RABGAP1L: variants seen among roughly 807,000 people sequenced by gnomAD.
RABGAP1L encodes the protein RAB GTPase activating protein 1 like.
RABGAP1L carries 63 observed loss-of-function variants against 137.7 expected under a neutral mutation model. That is an observed-to-expected ratio of 0.46 (90% CI 0.37 to 0.56). RABGAP1L has a LOEUF of 0.56. Among genes scored for constraint, RABGAP1L ranks in the 20% least tolerant of loss-of-function variants. The pLI is 0.00. For synonymous variants in RABGAP1L, 431 were observed against 433.7 expected, an observed-to-expected ratio of 0.99 and a Z score of 0.08; for missense variants, 1,095 against 1,244.0, an observed-to-expected ratio of 0.88 and a Z score of 1.80.
chr1:174,551,733 A>G (rs1257598168), intron 13 of RABGAP1L, among the ~76,000 whole-genome samples: 4 of 150,102 alleles, frequency 2.7e-5, no homozygotes, highest in Admixed American at 6.6e-5. Flanking sequence ...ACAGAGAAAA[A>G]CCATGAAACA....
chr1:174,332,880 A>G (rs1222141667), intron 11 of RABGAP1L, among the ~76,000 whole-genome samples: 2 of 152,188 alleles, frequency 1.3e-5, no homozygotes, highest in African/African-American at 4.8e-5. Context: ...CTGGACTTCC[A>G]TGTTTATTTA....
At chr1:174,989,392 G>A (rs965496837) in intron 25 of RABGAP1L, among the ~76,000 whole-genome samples, 2 of 152,096 alleles carry the variant, frequency 1.3e-5, no homozygotes, top group Non-Finnish European at 2.9e-5. Flanking sequence ...TGGCTGCCAT[G>A]TCACCAGCCT....
intron 18 of RABGAP1L, among the ~76,000 whole-genome samples, chr1:174,802,688 T>G (rs183260049): frequency 1.1e-4 from 16 of 152,356 alleles, no homozygotes; most frequent in African/African-American, 3.1e-4. Context: ...CAGTTGCACT[T>G]GAAAAATTAT....
chr1:174,647,982 G>GT (rs1291460862), intron 14 of RABGAP1L, among the ~76,000 whole-genome samples: 7 of 152,050 alleles, frequency 4.6e-5, no homozygotes, highest in African/African-American at 1.7e-4. Flanking sequence ...AGATTTTCTA[G>GT]TTTATTTGTG....
In RABGAP1L at chr1:174,863,235, A is replaced by AAAAAAAAAG. The variant is rs1553267182; in HGVS notation, c.2340+51283_2340+51284insGAAAAAAAA. On this transcript the variant is annotated intron_variant, in intron 19 of 25. Coordinates refer to ENST00000681986, the MANE Select transcript of RABGAP1L (RefSeq NM_001366446.1). ...ATTTGTACATGAGTTGTTTGTAGCAAAAAAAAAAAAAAAGAAAAACAGTAT... is the reference window on the plus strand; with the variant it reads ...ATTTGTACATGAGTTGTTTGTAGCAAAAAAAAAAGAAAAAAAAAAAAAGAAAAACAGTAT... Among the ~76,000 whole-genome samples the AAAAAAAAAG allele has an allele frequency of 6.3e-4, 91 of 144,782 alleles. 2 individuals carry two copies. In the East Asian group the frequency reaches 8.8e-3, roughly 14 times the overall value. The allele number at this position is 144,782 out of a possible 152,430, so 95.0% of individuals were successfully genotyped here.
intron 17 of RABGAP1L, among the ~76,000 whole-genome samples, chr1:174,715,939 A>C (rs1273867796): frequency 6.6e-6 from 1 of 152,192 alleles, no homozygotes; most frequent in East Asian, 1.9e-4. Context: ...CAGGGTTTAA[A>C]GTTCCCCTCA....
intron 13 of RABGAP1L, among the ~76,000 whole-genome samples, chr1:174,619,707 G>T (rs538420042): frequency 5.9e-5 from 9 of 152,158 alleles, no homozygotes; most frequent in South Asian, 2.1e-4. Context: ...AAAGACCATC[G>T]AGGCTAGGAA....
chr1:174,879,825 A>G (rs1318941661), intron 19 of RABGAP1L, among the ~76,000 whole-genome samples: 1 of 152,092 alleles, frequency 6.6e-6, no homozygotes, highest in Non-Finnish European at 1.5e-5. Flanking sequence ...GGTGTGGTGG[A>G]CCACTCCTGT....
intron 13 of RABGAP1L, among the ~76,000 whole-genome samples, chr1:174,516,154 C>T (rs1427694435): frequency 6.6e-6 from 1 of 150,928 alleles, no homozygotes; most frequent in East Asian, 1.9e-4. Context: ...CACACACACA[C>T]ACACACACAC....
At chr1:174,952,417 G>A (rs1265298737) in intron 19 of RABGAP1L, among the ~76,000 whole-genome samples, 1 of 150,904 alleles carries the variant, frequency 6.6e-6, no homozygotes, top group African/African-American at 2.4e-5. Flanking sequence ...AAGCTAAGGT[G>A]GGAGGATCAC....
intron 13 of RABGAP1L, chr1:174,548,249 G>C: frequency 7.2e-7 from 1 of 1,395,534 alleles, no homozygotes; most frequent in Non-Finnish European, 9.3e-7. Context: ...AGTAATCTAA[G>C]ATTCTGTTTT....
At chr1:174,683,714 C>CT (rs1488473375) in intron 15 of RABGAP1L, 118 bp downstream of exon 15, 4 of 696,460 alleles carry the variant, frequency 5.7e-6, no homozygotes, top group Non-Finnish European at 9.2e-6. Context: ...TATGGCATAT[C>CT]TTTTTTAAAA....
chr1:174,629,724 C>A (rs368501288), intron 13 of RABGAP1L, among the ~76,000 whole-genome samples: 4 of 152,158 alleles, frequency 2.6e-5, no homozygotes, highest in South Asian at 4.1e-4. Flanking sequence ...TGGGTTTCAC[C>A]GTGTTGCCAG....
intron 19 of RABGAP1L, among the ~76,000 whole-genome samples, chr1:174,814,290 A>C (rs1269875268): frequency 1.3e-5 from 2 of 152,232 alleles, no homozygotes; most frequent in East Asian, 3.8e-4. Flanking sequence ...TCAATAATTT[A>C]AAATTTTTAA....
At chr1:174,301,628 T>C (rs1677717550) in intron 10 of RABGAP1L, among the ~76,000 whole-genome samples, 1 of 151,904 alleles carries the variant, frequency 6.6e-6, no homozygotes, top group East Asian at 2.0e-4. Flanking sequence ...AATTGAGCAA[T>C]GAAACAGATC....
intron 20 of RABGAP1L, chr1:174,957,849 G>A (rs752218234): frequency 1.3e-6 from 2 of 1,506,338 alleles, no homozygotes; most frequent in Admixed American, 3.8e-5. Flanking sequence ...TTCATTTCAG[G>A]AGACTCCCAA....
intron 14 of RABGAP1L, among the ~76,000 whole-genome samples, chr1:174,650,530 C>T (rs1056915777): frequency 2.6e-5 from 4 of 152,110 alleles, no homozygotes; most frequent in African/African-American, 9.7e-5. Context: ...TTGGTCTATT[C>T]AGAGATTCAA....
chr1:174,614,702 C>G (rs999660571), intron 13 of RABGAP1L, among the ~76,000 whole-genome samples: 8 of 152,316 alleles, frequency 5.3e-5, no homozygotes, highest in African/African-American at 1.9e-4. Flanking sequence ...CTCCCCGTCA[C>G]TTTCAGGTAC....
intron 19 of RABGAP1L, among the ~76,000 whole-genome samples, chr1:174,867,672 G>A (rs1245563256): frequency 6.6e-6 from 1 of 152,102 alleles, no homozygotes; most frequent in Admixed American, 6.6e-5. Flanking sequence ...CTGAGACAGA[G>A]TCTTGCTCTG....
Sources: allele counts gnomAD v4.1 joint callset (sites outside exome capture counted in the v4.1 genomes callset), GRCh38; gene constraint gnomAD v4.1.1; transcripts MANE v1.5; gene names NCBI Gene and HGNC (gene_info 2026-07-23, HGNC 2026-07-21).